The following GPR107 variants were observed in gnomAD, a reference collection of about 807,000 sequenced individuals.
GPR107 encodes the protein protein GPR107.
A neutral mutation model predicts 75.5 loss-of-function variants in GPR107; 31 were observed. The ratio of observed to expected loss-of-function variants is 0.41; its 90% CI spans 0.31 to 0.55. GPR107 has a LOEUF of 0.55. Ranked by LOEUF, GPR107 falls within the 20% of genes least tolerant of loss-of-function variation. GPR107 has a pLI of 0.26. For missense variants in GPR107, 572 were observed against 665.7 expected (o/e 0.86, Z 1.55); for synonymous variants, 267 against 251.3 (o/e 1.06, Z -0.59).
chr9:130,062,663 T>A (rs1447060817), intron 1 of GPR107, among the ~76,000 whole-genome samples: 80 of 74,304 alleles, frequency 1.1e-3, no homozygotes, highest in African/African-American at 4.3e-3. Context: ...CCTGCCTGCC[T>A]TCCTTCCTTC....
At chr9:130,076,536 T>C in intron 3 of GPR107, 74 bp downstream of exon 3, 1 of 922,676 alleles carries the variant, frequency 1.1e-6, no homozygotes, top group Non-Finnish European at 1.8e-6. Context: ...ACCCTACTTC[T>C]TGCAGTTCCA....
At chr9:130,133,090 T>C (rs1022047061) in intron 17 of GPR107, 2 of 152,140 alleles carry the variant, frequency 1.3e-5, no homozygotes, top group Non-Finnish European at 2.9e-5. Flanking sequence ...CACTCCTGTC[T>C]CTGTTGGAAG....
At position 130,070,667 on chromosome 9, in the gene GPR107, C is replaced by T. The variant is rs1050235571; in HGVS notation, c.142-4969C>T. ...TTATGAAAGACTTGAAAGAAATTCA[C>T]GAAAGTATAAAAAAGTCAGTGCCAG... On this transcript the variant is annotated intron_variant, in intron 1 of 17. Transcript: ENST00000347136. Among the ~76,000 whole-genome samples the T allele has an allele frequency of 2.6e-5, 4 of 152,192 alleles. No homozygotes were observed. In the East Asian group the frequency reaches 5.8e-4, roughly 22 times the overall value.
intron 1 of GPR107, among the ~76,000 whole-genome samples, chr9:130,070,491 A>G (rs1296782627): frequency 6.6e-6 from 1 of 151,928 alleles, no homozygotes; most frequent in African/African-American, 2.4e-5. Context: ...TTTTGTAGAG[A>G]TGAGGTTTCG....
chr9:130,139,281 A>G lies in GPR107; in HGVS notation c.*4160A>G, dbSNP rs1832035992. 1 of 152,220 alleles carries G rather than the reference A, an allele frequency of 6.6e-6. No homozygotes were observed. Among genetic ancestry groups the G allele is most frequent in the African/African-American group, 2.4e-5 (1 of 41,450 alleles). 9.4% of individuals were successfully genotyped at this position (152,220 alleles called of 1,614,324 possible). A position where few individuals can be genotyped will look rare whatever the true frequency, so the allele number is the denominator to read the frequency against. On this transcript the variant is annotated 3_prime_UTR_variant, in exon 18 of 18. Transcript: ENST00000347136. ...TCCAGAAAGTACCAAATGTTCTGAA[A>G]GACCCGCTCTTCACTCCAGTTTTCC...
At chr9:130,082,769 G>A (rs576199993) in intron 5 of GPR107, among the ~76,000 whole-genome samples, 12 of 151,702 alleles carry the variant, frequency 7.9e-5, no homozygotes, top group Middle Eastern at 3.4e-3. Context: ...ATGAGCCACC[G>A]CACCCAGCCC....
At chr9:130,076,612 T>A in intron 3 of GPR107, 150 bp downstream of exon 3, 1 of 637,006 alleles carries the variant, frequency 1.6e-6, no homozygotes, top group Admixed American at 2.4e-5. Context: ...CCTCCCAGGC[T>A]TAAGCGATCC....
At chr9:130,062,380 T>C (rs1278772236) in intron 1 of GPR107, among the ~76,000 whole-genome samples, 1 of 150,598 alleles carries the variant, frequency 6.6e-6, no homozygotes, top group Non-Finnish European at 1.5e-5. Context: ...GCTATTGCAC[T>C]CCAGCCTGGG....
intron 5 of GPR107, among the ~76,000 whole-genome samples, chr9:130,081,254 G>A (rs187562231): frequency 7.9e-5 from 12 of 152,170 alleles, no homozygotes; most frequent in Admixed American, 2.0e-4. Context: ...TTTCTCAAAG[G>A]AGGCTGGGCA....
chr9:130,089,026 G>T (rs1380120040), intron 7 of GPR107, among the ~76,000 whole-genome samples: 1 of 151,890 alleles, frequency 6.6e-6, no homozygotes, highest in African/African-American at 2.4e-5. Context: ...AATTAGCTGG[G>T]TGTGGTGGTG....
intron 1 of GPR107, among the ~76,000 whole-genome samples, chr9:130,065,964 C>T (rs927704707): frequency 8.9e-6 from 1 of 112,444 alleles, no homozygotes; most frequent in African/African-American, 3.1e-5. Context: ...GGGAGGGATG[C>T]ATTTATTCAC....
chr9:130,093,187 GC>G (rs1564671368), intron 9 of GPR107, among the ~76,000 whole-genome samples: 2 of 146,950 alleles, frequency 1.4e-5, no homozygotes, highest in East Asian at 4.2e-4. Context: ...CCTCTTCAAA[GC>G]CCATCTGCCT....
chr9:130,125,455 A>G (rs1196305342), intron 15 of GPR107, among the ~76,000 whole-genome samples: 1 of 148,750 alleles, frequency 6.7e-6, no homozygotes, highest in African/African-American at 2.5e-5. Flanking sequence ...ATGGACTCCA[A>G]CTCCTGGGTT....
chr9:130,105,999 C>G (rs114469579), intron 13 of GPR107, among the ~76,000 whole-genome samples: 1 of 152,114 alleles, frequency 6.6e-6, no homozygotes, highest in East Asian at 1.9e-4. Flanking sequence ...AGCCTCCTGC[C>G]GTCCTGCACA....
At chr9:130,077,931 C>T (rs1225597359) in intron 4 of GPR107, among the ~76,000 whole-genome samples, 4 of 152,036 alleles carry the variant, frequency 2.6e-5, no homozygotes, top group Admixed American at 6.6e-5. Context: ...TTTGGGAGGC[C>T]GAGGCGGACG....
intron 14 of GPR107, 96 bp from the exon 15 acceptor site, chr9:130,124,819 A>T: frequency 1.4e-6 from 1 of 716,774 alleles, no homozygotes; most frequent in Non-Finnish European, 2.4e-6. Flanking sequence ...CATCTGCATT[A>T]GAGGTGGCCT....
chr9:130,106,845 T>C (rs1276905955), intron 13 of GPR107, among the ~76,000 whole-genome samples: 1 of 152,076 alleles, frequency 6.6e-6, no homozygotes, highest in Non-Finnish European at 1.5e-5. Flanking sequence ...ACAGCCTGTC[T>C]GCCTGTGCCC....
chr9:130,134,846 T>A (rs1262461514), intron 17 of GPR107, among the ~76,000 whole-genome samples, 179 bp from the exon 18 acceptor site: 3 of 152,212 alleles, frequency 2.0e-5, no homozygotes, highest in Non-Finnish European at 4.4e-5. Context: ...CACAGAGAGT[T>A]CAAGTGACTT....
At chr9:130,084,424 A>G (rs904638129) in intron 6 of GPR107, among the ~76,000 whole-genome samples, 2 of 146,492 alleles carry the variant, frequency 1.4e-5, no homozygotes, top group African/African-American at 5.3e-5. Context: ...AAAAAAATCT[A>G]CAGGGAATTG....
Sources: allele counts gnomAD v4.1 joint callset (sites outside exome capture counted in the v4.1 genomes callset), GRCh38; gene constraint gnomAD v4.1.1; transcripts MANE v1.5; gene names NCBI Gene and HGNC (gene_info 2026-07-23, HGNC 2026-07-21).